Variants in TIAM1 observed in about 807,000 individuals in gnomAD.
The protein encoded by TIAM1 is rho guanine nucleotide exchange factor TIAM1.
A neutral mutation model predicts 163.5 loss-of-function variants in TIAM1; 65 were observed. The ratio of observed to expected loss-of-function variants is 0.40; its 90% CI spans 0.33 to 0.49. The LOEUF (loss-of-function observed/expected upper bound fraction) is 0.49, where lower values mean the gene tolerates loss of function less well. Among genes scored for constraint, TIAM1 ranks in the 20% least tolerant of loss-of-function variants. The pLI is 0.77. For synonymous variants in TIAM1, 833 were observed against 810.1 expected (o/e 1.03, Z -0.48); for missense variants, 1,789 against 2,044.7 (o/e 0.87, Z 2.41).
chr21:31,122,320 C>A (rs1456764429), intron 27 of TIAM1, among the ~76,000 whole-genome samples: 2 of 152,204 alleles, frequency 1.3e-5, no homozygotes, highest in Non-Finnish European at 2.9e-5. Flanking sequence ...GACAAAAATT[C>A]TTGTTCACTT....
At chr21:31,295,542 C>G (rs1343008260) in intron 2 of TIAM1, among the ~76,000 whole-genome samples, 1 of 150,862 alleles carries the variant, frequency 6.6e-6, no homozygotes, top group Non-Finnish European at 1.5e-5. Context: ...ATGGGGACCC[C>G]AAAAATGTAA....
chr21:31,158,679 C>T (rs1426207524), intron 16 of TIAM1, among the ~76,000 whole-genome samples: 3 of 151,984 alleles, frequency 2.0e-5, no homozygotes, highest in Non-Finnish European at 4.4e-5. Flanking sequence ...AAATAACACC[C>T]CCCCAAATTT....
chr21:31,518,253 A>T (rs116956606), intron 1 of TIAM1, among the ~76,000 whole-genome samples: 9,097 of 152,120 alleles, frequency 0.06, 495 homozygotes, highest in Admixed American at 0.16. Flanking sequence ...CTCAGAACTT[A>T]AAAAGAATAA....
chr21:31,358,781 T>C (rs2076356457), intron 2 of TIAM1, among the ~76,000 whole-genome samples: 1 of 152,146 alleles, frequency 6.6e-6, no homozygotes, highest in South Asian at 2.1e-4. Flanking sequence ...TCCACTCTTG[T>C]CCTTCTACAA....
intron 2 of TIAM1, among the ~76,000 whole-genome samples, chr21:31,377,157 G>T (rs1185898563): frequency 2.7e-5 from 4 of 146,022 alleles, no homozygotes; most frequent in Non-Finnish European, 4.5e-5. Context: ...ACGATTACAG[G>T]TGTGAGCCAC....
intron 1 of TIAM1, among the ~76,000 whole-genome samples, chr21:31,557,779 G>A (rs2048933397): frequency 6.6e-6 from 1 of 152,158 alleles, no homozygotes; most frequent in Non-Finnish European, 1.5e-5. Flanking sequence ...CGCGGGAAAA[G>A]GCAGGCTCCG....
chr21:31,338,551 G>A (rs563499922), intron 2 of TIAM1, among the ~76,000 whole-genome samples: 26 of 152,254 alleles, frequency 1.7e-4, no homozygotes, highest in South Asian at 6.2e-4. Flanking sequence ...ATGGGCTAAC[G>A]TGACCGTTCC....
chr21:31,259,361 T>G (rs894830602), intron 4 of TIAM1, among the ~76,000 whole-genome samples: 2 of 151,940 alleles, frequency 1.3e-5, no homozygotes, highest in Non-Finnish European at 2.9e-5. Context: ...GGTCTTGAAC[T>G]CCTGAGCTCA....
At chr21:31,199,253 C>CTA (rs931658768) in intron 12 of TIAM1, among the ~76,000 whole-genome samples, 2 of 152,154 alleles carry the variant, frequency 1.3e-5, no homozygotes, top group African/African-American at 4.8e-5. Context: ...TCTCTACAGC[C>CTA]TTCTATGGGC....
intron 16 of TIAM1, among the ~76,000 whole-genome samples, chr21:31,161,716 CT>C (rs578061862): frequency 1.8e-3 from 277 of 152,286 alleles, no homozygotes; most frequent in Admixed American, 3.7e-3. Flanking sequence ...TTATTTGTTT[CT>C]GTTTATTTAG....
Position 31,141,145 on chromosome 21 carries a change from A to C in TIAM1, c.3747T>G (p.Ile1249Met). 1 of 1,614,220 alleles carries C rather than the reference A, an allele frequency of 6.2e-7. No individual in the cohort carries two copies. Among genetic ancestry groups the C allele is most frequent in the Non-Finnish European group, 8.5e-7 (1 of 1,180,014 alleles). The part of the protein sequence containing the change: ...EEFGAVFDQL[I>M]AEQTGEKKEV... ...CTTTTTTCTCACCAGTCTGTTCAGC[A>C]ATCAGCTGGTCAAACACAGCCCCAA... Residue 1249 changes from isoleucine (I) to methionine (M), a missense_variant, in exon 22 of 28, where the codon ATT becomes ATG. Ile to Met is a conservative substitution (Grantham distance 10, BLOSUM62 1). Transcript: ENST00000541036. This position sits in a 1 kb window ranked among gnomAD's most constrained non-coding sequence, Gnocchi z 4.7.
At chr21:31,126,960 A>G (rs1034275614) in intron 26 of TIAM1, 105 bp downstream of exon 26, 14 of 1,055,964 alleles carry the variant, frequency 1.3e-5, no homozygotes, top group Non-Finnish European at 1.9e-5. Flanking sequence ...CAGTGATGTT[A>G]CAGTACAAAC....
chr21:31,449,359 TTTTTG>T (rs1244532642), intron 2 of TIAM1, among the ~76,000 whole-genome samples: 2 of 151,982 alleles, frequency 1.3e-5, no homozygotes, highest in East Asian at 1.9e-4. Flanking sequence ...GTCATAGTTC[TTTTTG>T]TTTTGTTTCT....
At chr21:31,225,483 G>A (rs796603559) in intron 7 of TIAM1, among the ~76,000 whole-genome samples, 4 of 152,144 alleles carry the variant, frequency 2.6e-5, no homozygotes, top group African/African-American at 9.6e-5. Flanking sequence ...GGGGGCCAGG[G>A]CTCCTCTACT....
At chr21:31,437,131 C>T (rs1478496969) in intron 2 of TIAM1, among the ~76,000 whole-genome samples, 1 of 152,024 alleles carries the variant, frequency 6.6e-6, no homozygotes, top group Non-Finnish European at 1.5e-5. Flanking sequence ...CTATAGGTTT[C>T]CGGTCTATTT....
intron 20 of TIAM1, among the ~76,000 whole-genome samples, chr21:31,145,906 T>C (rs2083085481): frequency 6.6e-6 from 1 of 152,158 alleles, no homozygotes; most frequent in Non-Finnish European, 1.5e-5. Context: ...TTGAACAAAA[T>C]GACATTAGTT....
chr21:31,507,179 A>G (rs1210945810), intron 1 of TIAM1, among the ~76,000 whole-genome samples: 1 of 44,540 alleles, frequency 2.2e-5, no homozygotes, highest in African/African-American at 9.8e-5. Context: ...CACCTTTTTA[A>G]TTTTTTTTTT....
At chr21:31,516,055 C>A (rs914545058) in intron 1 of TIAM1, among the ~76,000 whole-genome samples, 1 of 149,006 alleles carries the variant, frequency 6.7e-6, no homozygotes, top group Non-Finnish European at 1.5e-5. Flanking sequence ...TTGCAGTGAG[C>A]CAAGAAGGCG....
At chr21:31,518,541 C>G (rs1275319449) in intron 1 of TIAM1, among the ~76,000 whole-genome samples, 5 of 152,132 alleles carry the variant, frequency 3.3e-5, no homozygotes, top group Non-Finnish European at 7.4e-5. Flanking sequence ...CCCGCCTCAG[C>G]CTCCCAAAGT....
Sources: allele counts gnomAD v4.1 joint callset (sites outside exome capture counted in the v4.1 genomes callset), GRCh38; gene constraint gnomAD v4.1.1; non-coding constraint Gnocchi (gnomAD v3.1); transcripts MANE v1.5; gene names NCBI Gene and HGNC (gene_info 2026-07-23, HGNC 2026-07-21).